The following CLSPN variants were observed in gnomAD, a reference collection of about 807,000 sequenced individuals.
CLSPN encodes the protein claspin homolog.
CLSPN carries 85 observed loss-of-function variants against 156.3 expected under a neutral mutation model. The ratio of observed to expected loss-of-function variants is 0.54; its 90% CI spans 0.46 to 0.65. CLSPN has a LOEUF of 0.65. Ranked by LOEUF, CLSPN falls within the 30% of genes least tolerant of loss-of-function variation. The pLI, the probability that CLSPN is intolerant of heterozygous loss-of-function variation, is 0.00. For missense variants in CLSPN, 1,407 were observed against 1,554.9 expected (o/e 0.90, Z 1.60); for synonymous variants, 534 against 542.4 (o/e 0.98, Z 0.22).
intron 1 of CLSPN, among the ~76,000 whole-genome samples, chr1:35,769,370 G>A (rs1201835184): frequency 6.6e-6 from 1 of 152,190 alleles, no homozygotes; most frequent in Non-Finnish European, 1.5e-5. Context: ...CAAAGGGCCT[G>A]CGCGCGATGA....
rs1200199107 is a variant in CLSPN at position 35,749,476 on chromosome 1, T to C, written c.2263A>G (p.Ser755Gly). 6.2e-7 allele frequency: 1 copy of C among 1,613,996 alleles called. No homozygotes were observed. The highest frequency in any genetic ancestry group is 1.3e-5 in the African/African-American group (1 of 74,948). Reference protein sequence around the residue: ...ETDENSGKQPSKLDEDDSCSL... With the variant: ...ETDENSGKQPGKLDEDDSCSL... ...AAGAATCACTACTTACCCAGTTTGC[T>C]AGGCTGCTTGCCTGAGTTTTCATCT... Residue 755 changes from serine (S) to glycine (G), a missense_variant, in exon 12 of 25, where the codon AGC (serine) becomes GGC (glycine). Around this residue, in one of 3 missense-constraint regions of CLSPN, gnomAD observed 1,096 missense variants for 1,193.0 expected, o/e 0.92. Transcript: ENST00000318121.
chr1:35,767,854 AAAATTTCT>A (rs996515232), intron 1 of CLSPN, among the ~76,000 whole-genome samples: 3 of 152,224 alleles, frequency 2.0e-5, no homozygotes, highest in African/African-American at 7.2e-5. Context: ...TATAGGTTTG[AAAATTTCT>A]AAATAAGACA....
chr1:35,722,848 C>G (rs534294463), intron 24 of CLSPN, among the ~76,000 whole-genome samples: 104 of 152,220 alleles, frequency 6.8e-4, no homozygotes, highest in African/African-American at 2.4e-3. Context: ...CCAGGCTGGT[C>G]TCAAATTCCT....
chr1:35,751,279 CTT>C lies in CLSPN; in HGVS notation c.1997_1998del (p.Glu666GlyfsTer17). 3 of 1,594,102 alleles carry C rather than the reference CTT, an allele frequency of 1.9e-6. No homozygotes were observed. The highest frequency in any genetic ancestry group is 2.6e-6 in the Non-Finnish European group (3 of 1,173,558). On this transcript the variant is annotated frameshift_variant, in exon 10 of 25. Coordinates refer to ENST00000318121, the MANE Select transcript of CLSPN (RefSeq NM_022111.4). LOFTEE classifies it high-confidence loss of function. ...EEELEEEEEK[E>X]EEEEEEGNQE... ...TGATTTCCTTCTTCTTCCTCCTCCT[CTT>C]CTTTCTCCTCCTCTTCCTCTAGTTC...
Position 35,746,732 on chromosome 1 carries a change from G to A in CLSPN, c.2854+34C>T, listed in dbSNP as rs764958495. 4 of 1,422,336 alleles carry A rather than the reference G, an allele frequency of 2.8e-6. No individual in the cohort carries two copies. Among genetic ancestry groups the A allele is most frequent in the Non-Finnish European group, 4.0e-6 (4 of 1,005,728 alleles). The allele number at this position is 1,422,336 out of a possible 1,614,324, so 88.1% of individuals were successfully genotyped here. On this transcript the variant is annotated intron_variant, in intron 15 of 24. Transcript: ENST00000318121. This position sits in a 1 kb window ranked among gnomAD's most constrained non-coding sequence, Gnocchi z 4.2. ...TTTTCAAGGGCACTGATACTTGGGTGTGGTAAGCTTGATACTCTCGGTTGG... is the reference window on the plus strand; with the variant it reads ...TTTTCAAGGGCACTGATACTTGGGTATGGTAAGCTTGATACTCTCGGTTGG...
At position 35,746,846 on chromosome 1, in the gene CLSPN, T is replaced by C. The variant is rs2148617873; in HGVS notation, c.2774A>G (p.Lys925Arg). 6.2e-7 allele frequency: 1 copy of C among 1,614,102 alleles called. No individual in the cohort carries two copies. The highest frequency in any genetic ancestry group is 8.5e-7 in the Non-Finnish European group (1 of 1,179,982). Residue 925 changes from lysine to arginine, a missense_variant, in exon 15 of 25, where the codon AAA becomes AGA. By Grantham distance (26) the Lys-to-Arg change is conservative. Transcript: ENST00000318121. The surrounding 1 kb of genome is among the most constrained non-coding windows in gnomAD (Gnocchi z 4.2). Reference sequence around the variant, plus strand: ...CTTGTCACTCTTCCTGGGTAGATGTTTTTCAGCCTGAGATGTGAACTTTCC... The same window carrying C: ...CTTGTCACTCTTCCTGGGTAGATGTCTTTCAGCCTGAGATGTGAACTTTCC... ...CTGKFTSQAEKHLPRKSDKKE... is the reference protein window; with the variant it reads ...CTGKFTSQAERHLPRKSDKKE...
chr1:35,760,018 C>T (rs933467210), intron 8 of CLSPN, among the ~76,000 whole-genome samples: 1 of 151,812 alleles, frequency 6.6e-6, no homozygotes, highest in Admixed American at 6.6e-5. Context: ...ATTTTTAGTA[C>T]AGACGGGGTT....
intron 9 of CLSPN, among the ~76,000 whole-genome samples, chr1:35,753,019 G>T (rs1297737185): frequency 2.0e-5 from 3 of 152,120 alleles, no homozygotes. Flanking sequence ...GGAGGGGTGA[G>T]AGCTGTCCTT....
intron 16 of CLSPN, among the ~76,000 whole-genome samples, chr1:35,744,868 C>T (rs1571201571): frequency 6.6e-6 from 1 of 152,174 alleles, no homozygotes; most frequent in South Asian, 2.1e-4. Flanking sequence ...GGTTGGAGTG[C>T]AATGGCATGA....
rs1641417393 is a variant in CLSPN at position 35,735,000 on chromosome 1, G to A, written c.*1496C>T. 1.0e-6 allele frequency: 1 copy of A among 985,220 alleles called. No individual in the cohort carries two copies. The highest frequency in any genetic ancestry group is 1.2e-6 in the Non-Finnish European group (1 of 829,862). 61.0% of individuals were successfully genotyped at this position (985,220 alleles called of 1,614,324 possible). ...CAATAATATTTTTATTAAATTCCAT[G>A]GTGGCCTTCTCTCAAAATTAGTAAT... On this transcript the variant is annotated 3_prime_UTR_variant, in exon 25 of 25. Coordinates refer to ENST00000318121, the MANE Select transcript of CLSPN (RefSeq NM_022111.4).
In CLSPN at chr1:35,739,140, G is replaced by GT. The variant is rs764891357; in HGVS notation, c.3425dup (p.Asn1142LysfsTer4). 2 of 1,614,108 alleles carry GT rather than the reference G, an allele frequency of 1.2e-6. No individual in the cohort carries two copies. Among genetic ancestry groups the GT allele is most frequent in the Non-Finnish European group, 1.7e-6 (2 of 1,180,030 alleles). ...TAAAGACAACAACCAAGATACCTAT[G>GT]TTTTTCCATCGAAACTTCCTCATTC... On this transcript the variant is annotated frameshift_variant, in exon 20 of 25. Coordinates refer to ENST00000318121, the MANE Select transcript of CLSPN (RefSeq NM_022111.4). LOFTEE classifies it high-confidence loss of function.
Position 35,734,690 on chromosome 1 carries a change from A to AAAG in CLSPN, c.*1805_*1806insCTT. 4 of 473,604 alleles carry AAAG rather than the reference A, an allele frequency of 8.4e-6. No homozygotes were observed. The highest frequency in any genetic ancestry group is 8.0e-6 in the Non-Finnish European group (3 of 374,188). 29.3% of individuals were successfully genotyped at this position (473,604 alleles called of 1,614,324 possible). ...CAGCCTATGTCTCAAAAAAAAAAAA[A>AAAG]GAAAAGAAAAGAAAAGAAAAAGAAA... On this transcript the variant is annotated 3_prime_UTR_variant, in exon 25 of 25. Transcript: ENST00000318121.
chr1:35,727,819 G>C (rs1641228592), downstream of CLSPN, among the ~76,000 whole-genome samples: 1 of 152,140 alleles, frequency 6.6e-6, no homozygotes, highest in Non-Finnish European at 1.5e-5. Flanking sequence ...TTATTAAGTA[G>C]CTTTCACAGT....
downstream of CLSPN, among the ~76,000 whole-genome samples, chr1:35,728,991 GCTGGGCCCCCAGAAC>G (rs2148607883): frequency 7.5e-6 from 1 of 134,044 alleles, no homozygotes; most frequent in African/African-American, 2.8e-5. Context: ...CGCCTTTCCT[GCTGGGCCCCCAGAAC>G]CTAATTTTTC....
chr1:35,721,448 C>T (rs1052513612), intron 24 of CLSPN, among the ~76,000 whole-genome samples: 9 of 152,102 alleles, frequency 5.9e-5, no homozygotes, highest in Admixed American at 2.0e-4. Context: ...AGTGCAGTGG[C>T]GCGATCTCAG....
intron 18 of CLSPN, among the ~76,000 whole-genome samples, chr1:35,742,106 C>A (rs1471827385): frequency 4.7e-5 from 7 of 150,182 alleles, no homozygotes; most frequent in African/African-American, 1.7e-4. Flanking sequence ...CAAAGCAAGG[C>A]CCCATCTCTA....
Position 35,735,347 on chromosome 1 carries a change from A to T in CLSPN, c.*1149T>A. The T allele has an allele frequency of 2.0e-6, 2 of 985,466 alleles. No homozygotes were observed. The highest frequency in any genetic ancestry group is 2.4e-6 in the Non-Finnish European group (2 of 829,940). The allele number at this position is 985,466 out of a possible 1,614,324, so 61.0% of individuals were successfully genotyped here. A position where few individuals can be genotyped will look rare whatever the true frequency, so the allele number is the denominator to read the frequency against. ...GATGCTGCCTTGGGAAGAAGCATAC[A>T]GGAAAATGAAAGGGGTAAGAGTAAT... is the stretch of plus-strand genomic sequence containing the variant. On this transcript the variant is annotated 3_prime_UTR_variant, in exon 25 of 25. Transcript: ENST00000318121.
At position 35,735,233 on chromosome 1, in the gene CLSPN, C is replaced by T. The variant is rs1157109444; in HGVS notation, c.*1263G>A. On this transcript the variant is annotated 3_prime_UTR_variant, in exon 25 of 25. Coordinates refer to ENST00000318121, the MANE Select transcript of CLSPN (RefSeq NM_022111.4). ...CTGGGTGTAACACTTTATCTTCATCCCCAAGCCCCAGAAAATTAGAGGCAG... is the reference window on the plus strand; with the variant it reads ...CTGGGTGTAACACTTTATCTTCATCTCCAAGCCCCAGAAAATTAGAGGCAG... The T allele has an allele frequency of 9.1e-6, 9 of 985,264 alleles. No individual in the cohort carries two copies. Among genetic ancestry groups the T allele is most frequent in the Non-Finnish European group, 1.1e-5 (9 of 829,938 alleles). 61.0% of individuals were successfully genotyped at this position (985,264 alleles called of 1,614,324 possible). A position where few individuals can be genotyped will look rare whatever the true frequency, so the allele number is the denominator to read the frequency against.
At chr1:35,743,378 A>T (rs1641761862) in intron 17 of CLSPN, 77 bp downstream of exon 17, 1 of 1,422,012 alleles carries the variant, frequency 7.0e-7, no homozygotes, top group Non-Finnish European at 9.9e-7. Context: ...AATTCTCAAG[A>T]ACTGAGGGGA....
Sources: gnomAD v4.1 joint callset for allele counts (sites outside exome capture counted in the v4.1 genomes callset) on GRCh38, gnomAD v4.1.1 for gene constraint, gnomAD v4.1.1 regional missense constraint, Gnocchi (gnomAD v3.1) non-coding constraint, MANE v1.5 for transcripts, NCBI Gene and HGNC (gene_info 2026-07-23, HGNC 2026-07-21) for gene names.